The following SNX13 variants were observed in gnomAD, a reference collection of about 807,000 sequenced individuals.
SNX13 encodes the protein sorting nexin-13.
A neutral mutation model predicts 133.6 loss-of-function variants in SNX13; 45 were observed. The observed-to-expected ratio is 0.34, with a 90% CI of 0.27 to 0.43. SNX13 has a LOEUF of 0.43. Among genes scored for constraint, SNX13 ranks in the 20% least tolerant of loss-of-function variants. The pLI is 1.00. For missense variants in SNX13, 1,032 were observed against 1,145.1 expected (o/e 0.90, Z 1.43); for synonymous variants, 414 against 373.9 (o/e 1.11, Z -1.24).
chr7:17,878,239 A>C (rs1036454548), intron 5 of SNX13, among the ~76,000 whole-genome samples: 3 of 152,230 alleles, frequency 2.0e-5, no homozygotes, highest in Admixed American at 2.0e-4. Context: ...ATTCTTAGTA[A>C]AACAACCGGG....
At chr7:17,895,788 T>C (rs1797140715) in intron 2 of SNX13, among the ~76,000 whole-genome samples, 2 of 152,312 alleles carry the variant, frequency 1.3e-5, no homozygotes, top group Admixed American at 6.5e-5. Context: ...TGATTACTCT[T>C]CTCTTTTTCC....
intron 1 of SNX13, among the ~76,000 whole-genome samples, chr7:17,917,681 A>G (rs1799708581): frequency 6.6e-6 from 1 of 152,198 alleles, no homozygotes; most frequent in Non-Finnish European, 1.5e-5. Context: ...ATCCATGGTC[A>G]TGGAATAGAA....
In SNX13 at chr7:17,816,248, C is replaced by G; in HGVS notation, c.1887G>C (p.Lys629Asn). The change falls in exon 19 of 26, where the codon AAG becomes AAC. Residue 629 changes from lysine to asparagine, a missense_variant. Lys to Asn is a moderately conservative substitution (Grantham distance 94, BLOSUM62 0). Transcript: ENST00000428135. ...AATCTCTATCCATATTATTAAAAGTCTTTTTTCCAGGAAGTTTCAATATGC... is the reference window on the plus strand; with the variant it reads ...AATCTCTATCCATATTATTAAAAGTGTTTTTTCCAGGAAGTTTCAATATGC... Reference protein sequence around the residue: ...LSSILKLPGKKTFNNMDRDFL... With the variant: ...LSSILKLPGKNTFNNMDRDFL... The G allele has an allele frequency of 6.5e-7, 1 of 1,543,344 alleles. No individual in the cohort carries two copies. Among genetic ancestry groups the G allele is most frequent in the Non-Finnish European group, 8.8e-7 (1 of 1,142,540 alleles).
chr7:17,936,351 AAT>A (rs1446598979), intron 1 of SNX13, among the ~76,000 whole-genome samples: 1 of 152,244 alleles, frequency 6.6e-6, no homozygotes, highest in African/African-American at 2.4e-5. Context: ...TAACTCTGAG[AAT>A]CAGTGTTAAT....
chr7:17,801,928 A>G (rs949128062), intron 21 of SNX13, among the ~76,000 whole-genome samples: 2 of 152,068 alleles, frequency 1.3e-5, no homozygotes, highest in African/African-American at 2.4e-5. Context: ...AAGAATTCAA[A>G]GCTAAGAAAG....
At chr7:17,912,472 T>G (rs981518303) in intron 1 of SNX13, among the ~76,000 whole-genome samples, 12 of 151,880 alleles carry the variant, frequency 7.9e-5, no homozygotes, top group African/African-American at 2.9e-4. Flanking sequence ...TGCCGTGGCA[T>G]GATCTTGACT....
At chr7:17,820,232 G>C (rs984865414) in intron 18 of SNX13, among the ~76,000 whole-genome samples, 18 of 152,006 alleles carry the variant, frequency 1.2e-4, no homozygotes, top group Non-Finnish European at 5.9e-5. Context: ...TCATTAATTT[G>C]CAAGTAAATT....
intron 24 of SNX13, among the ~76,000 whole-genome samples, chr7:17,798,451 G>A (rs1468260553): frequency 2.0e-5 from 3 of 152,002 alleles, no homozygotes; most frequent in East Asian, 3.9e-4. Flanking sequence ...GTGATAAAAT[G>A]TAGCCTATCA....
Position 17,798,674 on chromosome 7 carries a change from G to C in SNX13, c.2513+16C>G. ...TCTGTACTACCTGAAAGAAGTGACT[G>C]TGTCTTAAGATATACCTGAAACGTT... On this transcript the variant is annotated intron_variant, in intron 24 of 25. Transcript: ENST00000428135. 6.4e-7 allele frequency: 1 copy of C among 1,551,768 alleles called. No individual in the cohort carries two copies.
intron 9 of SNX13, among the ~76,000 whole-genome samples, chr7:17,867,699 T>C (rs1161536830): frequency 6.6e-6 from 1 of 152,116 alleles, no homozygotes; most frequent in Non-Finnish European, 1.5e-5. Context: ...CAAGTAATTC[T>C]TTCTTAAGAA....
At chr7:17,863,090 C>G (rs1052847664) in intron 9 of SNX13, among the ~76,000 whole-genome samples, 9 of 152,144 alleles carry the variant, frequency 5.9e-5, no homozygotes, top group African/African-American at 2.2e-4. Context: ...TCTGTCACAG[C>G]ACAGGACAGA....
Position 17,812,604 on chromosome 7 carries a change from A to G in SNX13, c.2064+2230T>C, listed in dbSNP as rs1245164004. 3.3e-5 allele frequency among the ~76,000 whole-genome samples: 5 copies of G among 152,322 alleles called. No homozygotes were observed. The East Asian group carries it at 9.7e-4, about 29-fold the overall frequency. On this transcript the variant is annotated intron_variant, in intron 20 of 25. Coordinates refer to ENST00000428135, the MANE Select transcript of SNX13 (RefSeq NM_015132.5). ...CAGTGTGGCAATTCCTCACGGATCT[A>G]GAACCAGAAATACCATTTGACCCAG... is the stretch of plus-strand genomic sequence containing the variant.
intron 7 of SNX13, among the ~76,000 whole-genome samples, chr7:17,875,053 C>T (rs1794560199): frequency 6.6e-6 from 1 of 152,156 alleles, no homozygotes; most frequent in Non-Finnish European, 1.5e-5. Context: ...GTCACTCAGG[C>T]TGGAGTGCAA....
chr7:17,853,920 G>A (rs543992129), intron 9 of SNX13, among the ~76,000 whole-genome samples: 13 of 151,318 alleles, frequency 8.6e-5, no homozygotes, highest in East Asian at 7.8e-4. Flanking sequence ...CAGCCTGCGC[G>A]ACAGAGCGAG....
intron 1 of SNX13, among the ~76,000 whole-genome samples, chr7:17,919,066 C>A (rs971256804): frequency 1.3e-5 from 2 of 151,982 alleles, no homozygotes; most frequent in African/African-American, 4.8e-5. Context: ...AAAGACGGGA[C>A]CAAAAGACAC....
At chr7:17,817,245 A>G (rs1425882049) in intron 18 of SNX13, among the ~76,000 whole-genome samples, 2 of 152,204 alleles carry the variant, frequency 1.3e-5, no homozygotes, top group African/African-American at 4.8e-5. Flanking sequence ...TGCCTTGCTA[A>G]AACACTTTTT....
At chr7:17,805,044 T>C (rs1192528481) in intron 20 of SNX13, among the ~76,000 whole-genome samples, 1 of 152,184 alleles carries the variant, frequency 6.6e-6, no homozygotes, top group Non-Finnish European at 1.5e-5. Flanking sequence ...ACCATAGATA[T>C]GCTTGACGGA....
At chr7:17,925,329 A>C (rs7802343) in intron 1 of SNX13, among the ~76,000 whole-genome samples, 89,545 of 152,044 alleles carry the variant, frequency 0.59, 26,888 homozygotes, top group Non-Finnish European at 0.65. Flanking sequence ...AGGTACTTCA[A>C]CTTATTTTGA....
At chr7:17,806,603 G>C (rs1354266599) in intron 20 of SNX13, among the ~76,000 whole-genome samples, 1 of 151,950 alleles carries the variant, frequency 6.6e-6, no homozygotes, top group East Asian at 1.9e-4. Flanking sequence ...TGGATTGCCA[G>C]AAATGAATCA....
Sources: allele counts gnomAD v4.1 joint callset (sites outside exome capture counted in the v4.1 genomes callset), GRCh38; gene constraint gnomAD v4.1.1; transcripts MANE v1.5; gene names NCBI Gene and HGNC (gene_info 2026-07-23, HGNC 2026-07-21).